Variants in ANK3 observed in about 807,000 individuals in gnomAD.
ANK3 encodes ankyrin-3.
In ANK3, 57 loss-of-function variants were observed where a neutral mutation model predicts 370.9. The ratio of observed to expected loss-of-function variants is 0.15; its 90% confidence interval spans 0.12 to 0.19. ANK3 has a LOEUF of 0.19. Ranked by LOEUF, ANK3 falls within the 10% of genes least tolerant of loss-of-function variation. ANK3 has a pLI of 1.00. For missense variants in ANK3, 4,439 were observed against 5,302.1 expected, an observed-to-expected ratio of 0.84 and a Z score of 5.06; for synonymous variants, 1,929 against 1,946.3, an observed-to-expected ratio of 0.99 and a Z score of 0.23.
At chr10:60,642,562 C>T (rs936177189) in intron 1 of ANK3, among the ~76,000 whole-genome samples, 2 of 149,574 alleles carry the variant, frequency 1.3e-5, no homozygotes, top group Admixed American at 6.8e-5. Flanking sequence ...TGTTCTCACT[C>T]ATAGGTGGGA....
At chr10:60,567,751 T>C (rs1043238685) in intron 2 of ANK3, among the ~76,000 whole-genome samples, 2 of 152,224 alleles carry the variant, frequency 1.3e-5, no homozygotes, top group African/African-American at 4.8e-5. Flanking sequence ...ATTAAGCACA[T>C]GTGTGATTCT....
At chr10:60,354,066 G>A (rs1410944415) in intron 1 of ANK3, among the ~76,000 whole-genome samples, 2 of 152,186 alleles carry the variant, frequency 1.3e-5, no homozygotes, top group Admixed American at 1.3e-4. Context: ...AAATAGCCCA[G>A]TTTTCAGTTC....
At chr10:60,304,026 T>C (rs1025715703) in intron 1 of ANK3, among the ~76,000 whole-genome samples, 1 of 151,938 alleles carries the variant, frequency 6.6e-6, no homozygotes, top group Non-Finnish European at 1.5e-5. Context: ...AGAAAAACAT[T>C]GCATGATCCC....
chr10:60,054,104 CCATACATATGCACATGTA>C (rs2078648523), intron 42 of ANK3, among the ~76,000 whole-genome samples: 1 of 152,100 alleles, frequency 6.6e-6, no homozygotes, highest in South Asian at 2.1e-4. Context: ...TTCCAGTGGC[CCATACATATGCACATGTA>C]CACACACAGC....
chr10:60,458,118 T>C (rs757147175), intron 2 of ANK3, among the ~76,000 whole-genome samples: 1 of 152,096 alleles, frequency 6.6e-6, no homozygotes, highest in African/African-American at 2.4e-5. Context: ...TTATTTCCCA[T>C]ACATAAAAAT....
chr10:60,240,383 C>T (rs1282840962), intron 7 of ANK3, among the ~76,000 whole-genome samples: 1 of 150,268 alleles, frequency 6.7e-6, no homozygotes, highest in African/African-American at 2.4e-5. Flanking sequence ...CGGCTCACCA[C>T]AACCTCTGCC....
At chr10:60,041,141 C>CA (rs1177536016) in intron 43 of ANK3, among the ~76,000 whole-genome samples, 2 of 152,226 alleles carry the variant, frequency 1.3e-5, no homozygotes, top group African/African-American at 4.8e-5. Context: ...AATAGTCTCT[C>CA]AACAGGTTTT....
intron 2 of ANK3, among the ~76,000 whole-genome samples, chr10:60,551,510 GT>G (rs1369955418): frequency 2.6e-5 from 4 of 152,064 alleles, no homozygotes; most frequent in Non-Finnish European, 4.4e-5. Flanking sequence ...ATACTATTAA[GT>G]TTCTTATTTT....
At chr10:60,174,413 G>T (rs1361125898) in intron 18 of ANK3, among the ~76,000 whole-genome samples, 1 of 152,164 alleles carries the variant, frequency 6.6e-6, no homozygotes, top group Non-Finnish European at 1.5e-5. Context: ...GAATCCATTT[G>T]CCTGCTTTGC....
intron 1 of ANK3, among the ~76,000 whole-genome samples, chr10:60,710,950 T>C (rs955714606): frequency 2.6e-5 from 4 of 152,198 alleles, no homozygotes; most frequent in African/African-American, 9.6e-5. Context: ...CTTCAACAGA[T>C]TGGATGATGT....
intron 1 of ANK3, among the ~76,000 whole-genome samples, chr10:60,697,742 T>G (rs1003811927): frequency 3.3e-5 from 5 of 152,082 alleles, no homozygotes; most frequent in South Asian, 4.2e-4. Flanking sequence ...ACACCTTATA[T>G]AAAAATCAAT....
chr10:60,365,941 A>G (rs1195051252), intron 1 of ANK3, among the ~76,000 whole-genome samples: 1 of 152,216 alleles, frequency 6.6e-6, no homozygotes, highest in Non-Finnish European at 1.5e-5. Context: ...ATTACCATAT[A>G]CATACAGCTG....
chr10:60,440,820 C>T (rs1269380102), intron 2 of ANK3, among the ~76,000 whole-genome samples: 1 of 152,194 alleles, frequency 6.6e-6, no homozygotes, highest in Admixed American at 6.5e-5. Context: ...TTCATCCAAC[C>T]ACCCAAATTA....
intron 2 of ANK3, among the ~76,000 whole-genome samples, chr10:60,487,724 T>C (rs2075385767): frequency 6.6e-6 from 1 of 151,794 alleles, no homozygotes; most frequent in Non-Finnish European, 1.5e-5. Context: ...TGTTGCATTT[T>C]TTTTTTTGAG....
intron 2 of ANK3, among the ~76,000 whole-genome samples, chr10:60,611,220 C>T (rs955357623): frequency 3.9e-5 from 6 of 152,030 alleles, no homozygotes; most frequent in African/African-American, 1.5e-4. Flanking sequence ...GTTTAGGGAC[C>T]GATACTCCAA....
chr10:60,167,093 C>A lies in ANK3; in HGVS notation c.2479-197G>T, dbSNP rs574866782. Reference sequence around the variant, plus strand: ...TCACCATATACAAAGCACAGGAGTACAAAATGAAAGAATTCTAGTGGCAAA... The same window carrying A: ...TCACCATATACAAAGCACAGGAGTAAAAAATGAAAGAATTCTAGTGGCAAA... On this transcript the variant is annotated intron_variant, in intron 21 of 43. Coordinates refer to ENST00000280772, the MANE Select transcript of ANK3 (RefSeq NM_020987.5). Among the ~76,000 whole-genome samples the A allele has an allele frequency of 3.3e-3, 505 of 152,228 alleles. 3 individuals carry two copies. Among genetic ancestry groups the A allele is most frequent in the Non-Finnish European group, 5.6e-3 (381 of 68,008 alleles).
intron 25 of ANK3, among the ~76,000 whole-genome samples, chr10:60,129,414 AC>A (rs1157688241): frequency 6.6e-6 from 1 of 152,144 alleles, no homozygotes; most frequent in Non-Finnish European, 1.5e-5. Context: ...CCCAGTCTCT[AC>A]ACAGGCCAAA....
At chr10:60,392,997 C>T (rs1419813954), upstream of ANK3, among the ~76,000 whole-genome samples, 2 of 152,108 alleles carry the variant, frequency 1.3e-5, no homozygotes, top group Admixed American at 6.5e-5. Flanking sequence ...AGTGACTTCC[C>T]TTTCTCAAGA....
chr10:60,549,380 T>TA (rs1294025123), intron 2 of ANK3, among the ~76,000 whole-genome samples: 2 of 152,224 alleles, frequency 1.3e-5, no homozygotes, highest in Non-Finnish European at 2.9e-5. Flanking sequence ...GCTATTAACT[T>TA]ACTGCAGTTT....
Sources: allele counts gnomAD v4.1 joint callset (sites outside exome capture counted in the v4.1 genomes callset), GRCh38; gene constraint gnomAD v4.1.1; transcripts MANE v1.5; gene names NCBI Gene and HGNC (gene_info 2026-07-23, HGNC 2026-07-21).